Variants in KCNT1 observed in about 807,000 individuals in gnomAD.
The protein encoded by KCNT1 is potassium sodium-activated channel subfamily T member 1.
A neutral mutation model predicts 147.8 loss-of-function variants in KCNT1; 78 were observed. The observed-to-expected ratio is 0.53, with a 90% CI of 0.44 to 0.64. The LOEUF (loss-of-function observed/expected upper bound fraction) is 0.64, where lower values mean the gene tolerates loss of function less well. KCNT1 is among the 30% of genes least tolerant of loss of function. KCNT1 has a pLI of 0.00. For missense variants in KCNT1, 1,419 were observed against 1,750.3 expected (o/e 0.81, Z 3.38); for synonymous variants, 867 against 748.8 (o/e 1.16, Z -2.58).
rs555070756 is a variant in KCNT1 at position 135,726,428 on chromosome 9, CT to C, written c.254+11709del. On this transcript the variant is annotated intron_variant, in intron 2 of 30. Coordinates refer to ENST00000371757, the MANE Select transcript of KCNT1 (RefSeq NM_020822.3). ...GGGTGGCCTGAGCTCAGAGCTCCCC[CT>C]GGCTTCTGTGGCTCGCCATGTGGCC... Among the ~76,000 whole-genome samples, 275 of 152,220 alleles carry C rather than the reference CT, an allele frequency of 1.8e-3. 7 individuals carry two copies. Among genetic ancestry groups the C allele is most frequent in the Admixed American group, 0.018 (275 of 15,312 alleles).
chr9:135,766,140 A>C (rs1832263055), intron 13 of KCNT1, among the ~76,000 whole-genome samples: 1 of 142,136 alleles, frequency 7.0e-6, no homozygotes, highest in South Asian at 2.3e-4. Context: ...TGGACCATTT[A>C]GTGTGGACCA....
Position 135,714,862 on chromosome 9 carries a change from G to GTCCC in KCNT1, c.254+142_254+143insTCCC. 2 of 526,722 alleles carry GTCCC rather than the reference G, an allele frequency of 3.8e-6. No individual in the cohort carries two copies. The highest frequency in any genetic ancestry group is 5.2e-6 in the Non-Finnish European group (2 of 381,906). 32.6% of individuals were successfully genotyped at this position (526,722 alleles called of 1,614,324 possible). On this transcript the variant is annotated intron_variant, in intron 2 of 30. Coordinates refer to ENST00000371757, the MANE Select transcript of KCNT1 (RefSeq NM_020822.3). This position sits in a 1 kb window ranked among gnomAD's most constrained non-coding sequence, Gnocchi z 6.2. ...TCAACTTTTCCCGGCTTCTGGGGAC[G>GTCCC]CAGAAGTTTCGGAGGGGGTGCGGGC...
intron 2 of KCNT1, among the ~76,000 whole-genome samples, chr9:135,720,940 A>G (rs1008408380): frequency 6.6e-6 from 1 of 152,206 alleles, no homozygotes; most frequent in Non-Finnish European, 1.5e-5. Context: ...AGAGGGGGAC[A>G]GTCAGGAGGA....
intron 2 of KCNT1, among the ~76,000 whole-genome samples, chr9:135,745,514 G>A (rs1830783026): frequency 6.6e-6 from 1 of 152,254 alleles, no homozygotes; most frequent in South Asian, 2.1e-4. Flanking sequence ...GCTGACGTGG[G>A]TCCTGATGGT....
At chr9:135,757,415 G>C (rs769807671) in intron 9 of KCNT1, 34 bp downstream of exon 9, 5 of 1,582,688 alleles carry the variant, frequency 3.2e-6, no homozygotes, top group Admixed American at 3.3e-5. Context: ...CTGGGACTTG[G>C]GGGGGCCACC....
chr9:135,745,490 C>T (rs921809047), intron 2 of KCNT1, among the ~76,000 whole-genome samples: 11 of 152,218 alleles, frequency 7.2e-5, no homozygotes, highest in Non-Finnish European at 1.6e-4. Flanking sequence ...CGAAGGCCTG[C>T]GCTGTCTCTT....
At position 135,792,074 on chromosome 9, in the gene KCNT1, G is replaced by A; in HGVS notation, c.3621G>A (p.Val1207=). The A allele has an allele frequency of 6.2e-7, 1 of 1,604,528 alleles. No individual in the cohort carries two copies. The highest frequency in any genetic ancestry group is 8.5e-7 in the Non-Finnish European group (1 of 1,179,746). Residue 1207 remains valine, a synonymous_variant, in exon 31 of 31, where the codon GTG becomes GTA. Coordinates refer to ENST00000371757, the MANE Select transcript of KCNT1 (RefSeq NM_020822.3). ...YLIRSDPLAH[V]ASSSQSRKSS... Reference sequence around the variant, plus strand: ...TCCGCTCCGACCCCCTGGCTCACGTGGCCAGCAGCTCCCAGAGCCGGAAGA... The same window carrying A: ...TCCGCTCCGACCCCCTGGCTCACGTAGCCAGCAGCTCCCAGAGCCGGAAGA...
intron 2 of KCNT1, among the ~76,000 whole-genome samples, chr9:135,739,197 G>A (rs566810016): frequency 2.6e-5 from 4 of 152,202 alleles, no homozygotes; most frequent in African/African-American, 4.8e-5. Context: ...CCTGGACTGC[G>A]TGTTCTGCCC....
intron 24 of KCNT1, among the ~76,000 whole-genome samples, chr9:135,782,582 C>G (rs72770401): frequency 0.11 from 17,274 of 152,252 alleles, 1,322 homozygotes; most frequent in South Asian, 0.18. Context: ...TGAATGGCAC[C>G]CGCTCAGCCC....
rs766998827 is a variant in KCNT1, at chr9:135,755,142, G to A, written c.513G>A (p.Glu171=). The change falls in exon 6 of 31, where the codon GAG becomes GAA. Residue 171 remains glutamate, a synonymous_variant. Transcript: ENST00000371757. The part of the protein sequence containing the change: ...EINWAPILWV[E]RKMTLWAIQV... ...CCAGGGCTCCTATTCTGTGGGTGGA[G>A]AGAAAGATGACACTGTGGGCGATCC... 3.1e-6 allele frequency: 5 copies of A among 1,612,476 alleles called. No individual in the cohort carries two copies. In the East Asian group the frequency reaches 1.1e-4, roughly 36 times the overall value.
chr9:135,764,580 G>C (rs946866233), intron 11 of KCNT1, among the ~76,000 whole-genome samples: 1 of 152,150 alleles, frequency 6.6e-6, no homozygotes, highest in Non-Finnish European at 1.5e-5. Flanking sequence ...CTTGCATCTG[G>C]GGAGCATGAG....
rs796411537 is a variant in KCNT1, at chr9:135,763,449, AAGAC to A, written c.1036-1575_1036-1572del. On this transcript the variant is annotated intron_variant, in intron 11 of 30. Coordinates refer to ENST00000371757, the MANE Select transcript of KCNT1 (RefSeq NM_020822.3). ...GTATCCTCCAGGCTCTTCGATCAGC[AAGAC>A]AGACAGGCAGCTTAAACAGCAGATA... Among the ~76,000 whole-genome samples, 15 of 152,344 alleles carry A rather than the reference AAGAC, an allele frequency of 9.8e-5. No homozygotes were observed. In the East Asian group the frequency reaches 1.4e-3, roughly 14 times the overall value.
rs142642528 is a variant in KCNT1 at position 135,778,784 on chromosome 9, G to T, written c.2691G>T (p.Ala897=). The T allele has an allele frequency of 6.2e-7, 1 of 1,613,736 alleles. No homozygotes were observed. The highest frequency in any genetic ancestry group is 8.5e-7 in the Non-Finnish European group (1 of 1,179,798). The part of the protein sequence containing the change: ...STMSAEEDYM[A]DAKTIVNVQT... ...TGAGCGCCGAGGAGGACTACATGGC[G>T]GACGCCAAGACCATCGTCAACGTGC... is the stretch of plus-strand genomic sequence containing the variant. The change falls in exon 23 of 31, where the codon GCG becomes GCT. Residue 897 remains alanine, a synonymous_variant. Transcript: ENST00000371757.
At chr9:135,777,532 C>A (rs752125597) in intron 21 of KCNT1, 22 bp downstream of exon 21, 2 of 1,601,016 alleles carry the variant, frequency 1.2e-6, no homozygotes, top group South Asian at 2.2e-5. Flanking sequence ...GGGGCTCAGC[C>A]CACCCCGCCC....
rs56307359 is a variant in KCNT1 at position 135,730,990 on chromosome 9, TAAAAAA to T, written c.254+16288_254+16293del. Among the ~76,000 whole-genome samples, 3 of 85,594 alleles carry T rather than the reference TAAAAAA, an allele frequency of 3.5e-5. No homozygotes were observed. The highest frequency in any genetic ancestry group is 4.5e-5 in the African/African-American group (1 of 22,048). The allele number at this position is 85,594 out of a possible 152,430, so 56.2% of individuals were successfully genotyped here. A position where few individuals can be genotyped will look rare whatever the true frequency, so the allele number is the denominator to read the frequency against. Reference sequence around the variant, plus strand: ...AACAAAGTGAGATCCCGTCTCAAGGTAAAAAAAAAAAAAAAAAAAAAAAGTGTGGTT... The same window carrying T: ...AACAAAGTGAGATCCCGTCTCAAGGTAAAAAAAAAAAAAAAAAGTGTGGTT... On this transcript the variant is annotated intron_variant, in intron 2 of 30. Coordinates refer to ENST00000371757, the MANE Select transcript of KCNT1 (RefSeq NM_020822.3). This position sits in a 1 kb window ranked among gnomAD's most constrained non-coding sequence, Gnocchi z 4.7.
chr9:135,714,595 C>A lies in KCNT1; in HGVS notation c.129C>A (p.Asp43Glu). Reference protein sequence around the residue: ...QCAPRRPCAGDGALLDTAGFK... With the variant: ...QCAPRRPCAGEGALLDTAGFK... ...CCCGCAGGCGGCCCTGCGCGGGGGACGGCGCGCTCCTGGACACCGCCGGCT... is the reference window on the plus strand; with the variant it reads ...CCCGCAGGCGGCCCTGCGCGGGGGAAGGCGCGCTCCTGGACACCGCCGGCT... Residue 43 changes from aspartate to glutamate, a missense_variant, in exon 2 of 31, where the codon GAC becomes GAA. Physicochemically the swap from Asp to Glu is conservative, Grantham distance 45. Transcript: ENST00000371757. This position sits in a 1 kb window ranked among gnomAD's most constrained non-coding sequence, Gnocchi z 6.2. 1.4e-6 allele frequency: 2 copies of A among 1,392,310 alleles called. No homozygotes were observed. The highest frequency in any genetic ancestry group is 2.8e-5 in the South Asian group (2 of 72,380). The allele number at this position is 1,392,310 out of a possible 1,614,324, so 86.2% of individuals were successfully genotyped here. A position where few individuals can be genotyped will look rare whatever the true frequency, so the allele number is the denominator to read the frequency against.
At chr9:135,763,769 G>A (rs1832069623) in intron 11 of KCNT1, among the ~76,000 whole-genome samples, 1 of 152,178 alleles carries the variant, frequency 6.6e-6, no homozygotes, top group Admixed American at 6.5e-5. Context: ...ATCACATGGC[G>A]AGGTTCTGGG....
intron 1 of KCNT1, among the ~76,000 whole-genome samples, chr9:135,711,783 G>A (rs371298383): frequency 1.3e-5 from 2 of 152,204 alleles, no homozygotes; most frequent in Non-Finnish European, 2.9e-5. Flanking sequence ...GAGGGGGCAC[G>A]CTGGGCGCCG....
intron 29 of KCNT1, chr9:135,788,067 T>C (rs574841692): frequency 1.5e-4 from 235 of 1,524,002 alleles, no homozygotes; most frequent in Non-Finnish European, 1.9e-4. Context: ...CTCTCTCTCT[T>C]TCTGTCTGTG....
Sources: gnomAD v4.1 joint callset for allele counts (sites outside exome capture counted in the v4.1 genomes callset) on GRCh38, gnomAD v4.1.1 for gene constraint, Gnocchi (gnomAD v3.1) non-coding constraint, MANE v1.5 for transcripts, NCBI Gene and HGNC (gene_info 2026-07-23, HGNC 2026-07-21) for gene names.